Variants in GRIK2 observed in about 807,000 individuals in gnomAD.
GRIK2 encodes the protein glutamate ionotropic receptor kainate type subunit 2, also known as glutamate receptor ionotropic, kainate 2.
GRIK2 carries 32 observed loss-of-function variants against 100.3 expected under a neutral mutation model. The ratio of observed to expected loss-of-function variants is 0.32; its 90% CI spans 0.24 to 0.43. GRIK2 has a LOEUF of 0.43. GRIK2 is among the 20% of genes least tolerant of loss of function. The pLI is 1.00. For missense variants in GRIK2, 843 were observed against 1,114.9 expected, an observed-to-expected ratio of 0.76 and a Z score of 3.47; for synonymous variants, 417 against 389.4, an observed-to-expected ratio of 1.07 and a Z score of -0.83.
chr6:101,848,148 CTG>C (rs1424633064), intron 10 of GRIK2, among the ~76,000 whole-genome samples: 20 of 152,086 alleles, frequency 1.3e-4, no homozygotes, highest in Admixed American at 1.3e-4. Flanking sequence ...ATCTTCAAGA[CTG>C]TTGTGGAGCT....
rs763113117 is a variant in GRIK2, at chr6:101,489,713, A to G, written c.115+90321A>G. Among the ~76,000 whole-genome samples, 7 of 146,386 alleles carry G rather than the reference A, an allele frequency of 4.8e-5. No homozygotes were observed. The South Asian group carries it at 8.6e-4, about 18-fold the overall frequency. The stretch of plus-strand genomic sequence containing the variant: ...AACTCTCATTTTCTAAGTATGTGGT[A>G]TGATTTTAAGGACTCCAGATAAGCT... On this transcript the variant is annotated intron_variant, in intron 2 of 16. Transcript: ENST00000369134.
chr6:102,028,054 G>A (rs1205671709), intron 14 of GRIK2, among the ~76,000 whole-genome samples: 3 of 151,110 alleles, frequency 2.0e-5, no homozygotes, highest in Non-Finnish European at 4.4e-5. Flanking sequence ...CCTAAAATTT[G>A]TTAGTCATTT....
Position 101,751,522 on chromosome 6 carries a change from A to G in GRIK2, c.952-48126A>G, listed in dbSNP as rs562433884. Among the ~76,000 whole-genome samples, 9 of 152,328 alleles carry G rather than the reference A, an allele frequency of 5.9e-5. No individual in the cohort carries two copies. The South Asian group carries it at 8.3e-4, about 14-fold the overall frequency. On this transcript the variant is annotated intron_variant, in intron 7 of 16. Transcript: ENST00000369134. ...CCATATATAACCAAAATACCAGAAT[A>G]CTACCTAAAATAAACTAATAACTTT...
At chr6:101,916,003 T>C (rs1789081287) in intron 12 of GRIK2, among the ~76,000 whole-genome samples, 1 of 151,434 alleles carries the variant, frequency 6.6e-6, no homozygotes, top group African/African-American at 2.4e-5. Context: ...AGAGATAACT[T>C]TTTCTAACAG....
chr6:101,757,409 G>A (rs767436273), intron 7 of GRIK2, among the ~76,000 whole-genome samples: 24 of 152,006 alleles, frequency 1.6e-4, no homozygotes, highest in Non-Finnish European at 3.2e-4. Flanking sequence ...AAACAAAATT[G>A]GACAATTATA....
rs117713157 is a variant in GRIK2 at position 101,892,788 on chromosome 6, A to G, written c.1748+2925A>G. Among the ~76,000 whole-genome samples, 282 of 151,784 alleles carry G rather than the reference A, an allele frequency of 1.9e-3. 2 individuals are homozygous for G. The highest frequency in any genetic ancestry group is 2.6e-3 in the Non-Finnish European group (175 of 67,758). On this transcript the variant is annotated intron_variant, in intron 12 of 16. Coordinates refer to ENST00000369134, the MANE Select transcript of GRIK2 (RefSeq NM_021956.5). ...GTAAAGTAATAACACAAGGATAAATATTTTCTGGATTTTCTCAGAATATTT... is the reference window on the plus strand; with the variant it reads ...GTAAAGTAATAACACAAGGATAAATGTTTTCTGGATTTTCTCAGAATATTT...
At chr6:101,569,447 C>A (rs924390198) in intron 2 of GRIK2, among the ~76,000 whole-genome samples, 1 of 151,816 alleles carries the variant, frequency 6.6e-6, no homozygotes, top group Middle Eastern at 3.4e-3. Context: ...TTGAAATCTA[C>A]ACAGGAAGTA....
At chr6:101,660,814 C>G (rs1377252875) in intron 4 of GRIK2, among the ~76,000 whole-genome samples, 1 of 152,144 alleles carries the variant, frequency 6.6e-6, no homozygotes, top group Non-Finnish European at 1.5e-5. Context: ...GGCTGCAGAA[C>G]AGTAAAGATT....
chr6:101,724,049 A>G (rs371898460), intron 7 of GRIK2, among the ~76,000 whole-genome samples: 23 of 148,138 alleles, frequency 1.6e-4, no homozygotes, highest in African/African-American at 5.9e-4. Flanking sequence ...GTTGAAGATC[A>G]TATGTTCTGT....
At chr6:101,524,418 T>C (rs1031016894) in intron 2 of GRIK2, among the ~76,000 whole-genome samples, 1 of 152,038 alleles carries the variant, frequency 6.6e-6, no homozygotes, top group African/African-American at 2.4e-5. Flanking sequence ...ATCACAGATA[T>C]ATAATTTCTA....
At chr6:102,032,368 C>G (rs1188448474) in intron 14 of GRIK2, among the ~76,000 whole-genome samples, 1 of 151,158 alleles carries the variant, frequency 6.6e-6, no homozygotes, top group Non-Finnish European at 1.5e-5. Context: ...AGTAAATTAT[C>G]TACGAGAGGG....
intron 7 of GRIK2, among the ~76,000 whole-genome samples, chr6:101,731,375 G>T (rs143217787): frequency 6.6e-6 from 1 of 152,006 alleles, no homozygotes; most frequent in African/African-American, 2.4e-5. Flanking sequence ...CAAAGCTTCT[G>T]CCCTAGTTCA....
In GRIK2 at chr6:101,893,329, T is replaced by C. The variant is rs139928626; in HGVS notation, c.1748+3466T>C. ...GTATGTATTTTATTTTCATTGAAGG[T>C]CACAGAAACAAAGGCATAAAATAAC... On this transcript the variant is annotated intron_variant, in intron 12 of 16. Transcript: ENST00000369134. Among the ~76,000 whole-genome samples the C allele has an allele frequency of 2.6e-3, 398 of 151,698 alleles. 2 individuals are homozygous for C. The highest frequency in any genetic ancestry group is 9.3e-3 in the African/African-American group (385 of 41,526).
intron 6 of GRIK2, among the ~76,000 whole-genome samples, chr6:101,684,407 T>C (rs1771520731): frequency 6.6e-6 from 1 of 152,222 alleles, no homozygotes; most frequent in South Asian, 2.1e-4. Context: ...GCTACTATTC[T>C]CCTTTAGGAA....
chr6:101,984,997 G>T (rs1452232301), intron 14 of GRIK2, among the ~76,000 whole-genome samples: 1 of 151,632 alleles, frequency 6.6e-6, no homozygotes, highest in Admixed American at 6.6e-5. Context: ...GAACCCCAGA[G>T]ACTTCTTTGT....
chr6:102,036,595 G>C (rs2518147), intron 15 of GRIK2, among the ~76,000 whole-genome samples: 40,616 of 150,762 alleles, frequency 0.27, 5,615 homozygotes, highest in East Asian at 0.31. Flanking sequence ...GAGGGAGAGA[G>C]AAAGAGAAAG....
intron 2 of GRIK2, among the ~76,000 whole-genome samples, chr6:101,462,462 C>G (rs538183291): frequency 6.8e-6 from 1 of 146,220 alleles, no homozygotes; most frequent in East Asian, 2.0e-4. Context: ...AAAATAGAGT[C>G]AAGATACTAC....
intron 4 of GRIK2, among the ~76,000 whole-genome samples, chr6:101,657,393 A>G (rs1053659588): frequency 6.6e-6 from 1 of 152,094 alleles, no homozygotes; most frequent in Non-Finnish European, 1.5e-5. Flanking sequence ...CTCCTCAGCC[A>G]TGGGGAACTT....
intron 15 of GRIK2, among the ~76,000 whole-genome samples, chr6:102,051,603 A>G (rs1771199673): frequency 6.6e-6 from 1 of 152,138 alleles, no homozygotes; most frequent in South Asian, 2.1e-4. Context: ...AATATTTCAT[A>G]TGATCTGACA....
Sources: allele counts gnomAD v4.1 joint callset (sites outside exome capture counted in the v4.1 genomes callset), GRCh38; gene constraint gnomAD v4.1.1; transcripts MANE v1.5; gene names NCBI Gene and HGNC (gene_info 2026-07-23, HGNC 2026-07-21).